GSPT1: variants seen among roughly 807,000 people sequenced by gnomAD.
The protein encoded by GSPT1 is G1 to S phase transition 1.
GSPT1 carries 20 observed loss-of-function variants against 72.5 expected under a neutral mutation model. The ratio of observed to expected loss-of-function variants is 0.28; its 90% CI spans 0.19 to 0.40. The LOEUF is 0.40. GSPT1 is among the 10% of genes least tolerant of loss of function. The probability of loss-of-function intolerance (pLI) is 1.00; values close to 1 mark genes in which losing one functional copy is unlikely to be tolerated. For synonymous variants in GSPT1, 334 were observed against 293.5 expected (o/e 1.14, Z -1.41); for missense variants, 580 against 811.9 (o/e 0.71, Z 3.47).
chr16:11,885,022 C>T (rs112944958), intron 10 of GSPT1, among the ~76,000 whole-genome samples, 159 bp downstream of exon 10: 1,706 of 151,796 alleles, frequency 0.011, 30 homozygotes, highest in African/African-American at 0.039. Context: ...GAGCTGAGAT[C>T]GCGCCACTGC....
At position 11,876,068 on chromosome 16, in the gene GSPT1, C is replaced by G; in HGVS notation, c.1692+18G>C. 2 of 1,536,416 alleles carry G rather than the reference C, an allele frequency of 1.3e-6. No individual in the cohort carries two copies. The highest frequency in any genetic ancestry group is 1.8e-6 in the Non-Finnish European group (2 of 1,110,152). On this transcript the variant is annotated intron_variant, in intron 13 of 14. Transcript: ENST00000434724. ...AAACAGTATTAAAACAGAAATAAAC[C>G]AATTATCTTAAACTCACTGTTATTT...
At position 11,887,651 on chromosome 16, in the gene GSPT1, G is replaced by C; in HGVS notation, c.876C>G (p.Phe292Leu). 2 of 1,613,528 alleles carry C rather than the reference G, an allele frequency of 1.2e-6. No individual in the cohort carries two copies. Among genetic ancestry groups the C allele is most frequent in the Non-Finnish European group, 1.7e-6 (2 of 1,179,512 alleles). ...RAYFETEKKH[F>L]TILDAPGHKS... ...TGTGGCCAGGGGCATCTAGAATTGT[G>C]AAATGCTTCTTTTCGGTTTCAAAAT... is the stretch of plus-strand genomic sequence containing the variant. Residue 292 changes from phenylalanine to leucine, a missense_variant, in exon 7 of 15, where the codon TTC becomes TTG. This residue lies in a region of GSPT1 where 51 missense variants were observed against 118.2 expected (regional missense o/e 0.43). Transcript: ENST00000434724.
intron 1 of GSPT1, among the ~76,000 whole-genome samples, chr16:11,902,209 T>C (rs913012603): frequency 2.6e-5 from 4 of 151,090 alleles, no homozygotes; most frequent in Non-Finnish European, 3.0e-5. Context: ...GGTGAAACCC[T>C]GTCTCTACTA....
In GSPT1 at chr16:11,879,599, G is replaced by T. The variant is rs142637892; in HGVS notation, c.1429-2019C>A. Among the ~76,000 whole-genome samples the T allele has an allele frequency of 5.6e-3, 850 of 151,918 alleles. 11 individuals are homozygous for T. Among genetic ancestry groups the T allele is most frequent in the African/African-American group, 0.019 (806 of 41,468 alleles). ...AATACAAAAATGAGCTGGGCATGGT[G>T]GCACGTTCCTGTAATCCCAGCTACT... On this transcript the variant is annotated intron_variant, in intron 11 of 14. Transcript: ENST00000434724.
chr16:11,894,374 T>C (rs1423569850), intron 5 of GSPT1, among the ~76,000 whole-genome samples: 1 of 151,948 alleles, frequency 6.6e-6, no homozygotes, highest in Non-Finnish European at 1.5e-5. Flanking sequence ...GAAATTTCTA[T>C]AATACGATCA....
At chr16:11,884,809 G>A (rs186718336) in intron 10 of GSPT1, among the ~76,000 whole-genome samples, 1 of 149,394 alleles carries the variant, frequency 6.7e-6, no homozygotes, top group African/African-American at 2.5e-5. Context: ...GCTCACGCCT[G>A]TAATCCCAGC....
chr16:11,879,316 C>A (rs1175686046), intron 11 of GSPT1, among the ~76,000 whole-genome samples: 1 of 150,722 alleles, frequency 6.6e-6, no homozygotes, highest in South Asian at 2.1e-4. Context: ...ACTGCTTGAA[C>A]CCTGGAGGTG....
At chr16:11,914,968 CT>C in intron 1 of GSPT1, 2 of 1,269,474 alleles carry the variant, frequency 1.6e-6, no homozygotes, top group Non-Finnish European at 2.1e-6. Context: ...TCCCCAACTC[CT>C]GGGATCTCTA....
At position 11,871,705 on chromosome 16, in the gene GSPT1, G is replaced by A. The variant is rs1348615552; in HGVS notation, c.*1414C>T. On this transcript the variant is annotated 3_prime_UTR_variant, in exon 15 of 15. Coordinates refer to ENST00000434724, the MANE Select transcript of GSPT1 (RefSeq NM_002094.4). ...AAATATACAAAGTATCTTATTTAGAGAGAAATCACAATCTAAAAGAGGCTA... is the reference window on the plus strand; with the variant it reads ...AAATATACAAAGTATCTTATTTAGAAAGAAATCACAATCTAAAAGAGGCTA... 1 of 152,154 alleles carries A rather than the reference G, an allele frequency of 6.6e-6. No individual in the cohort carries two copies. Among genetic ancestry groups the A allele is most frequent in the Non-Finnish European group, 1.5e-5 (1 of 68,016 alleles). 9.4% of individuals were successfully genotyped at this position (152,154 alleles called of 1,614,324 possible).
At chr16:11,897,337 A>G (rs1010851502) in intron 3 of GSPT1, among the ~76,000 whole-genome samples, 1 of 152,182 alleles carries the variant, frequency 6.6e-6, no homozygotes, top group African/African-American at 2.4e-5. Context: ...CTGTAATCCC[A>G]GCACTTTCGG....
intron 1 of GSPT1, among the ~76,000 whole-genome samples, chr16:11,906,252 A>C (rs1173700795): frequency 6.6e-6 from 1 of 152,016 alleles, no homozygotes; most frequent in Non-Finnish European, 1.5e-5. Context: ...CTGTACATTC[A>C]TTGCATTTCC....
In GSPT1 at chr16:11,911,549, CTA is replaced by C. The variant is rs1439180754; in HGVS notation, c.352+3818_352+3819del. ...TACAGGTTTGTGCCACCACACCCAG[CTA>C]TTTTTTTTTTTTTTTTTTTTTGAGA... On this transcript the variant is annotated intron_variant, in intron 1 of 14. Transcript: ENST00000434724. Among the ~76,000 whole-genome samples the C allele has an allele frequency of 2.0e-4, 20 of 102,426 alleles. 1 individual carries two copies. The East Asian group carries it at 2.1e-3, about 11-fold the overall frequency. The allele number at this position is 102,426 out of a possible 152,430, so 67.2% of individuals were successfully genotyped here.
At chr16:11,900,181 A>G (rs893080547) in intron 1 of GSPT1, among the ~76,000 whole-genome samples, 1 of 151,974 alleles carries the variant, frequency 6.6e-6, no homozygotes, top group Non-Finnish European at 1.5e-5. Context: ...TGAAAATACA[A>G]AACAATTAGC....
chr16:11,916,248 C>T (rs1036970157), upstream of GSPT1, among the ~76,000 whole-genome samples: 2 of 152,180 alleles, frequency 1.3e-5, no homozygotes, highest in East Asian at 1.9e-4. Context: ...GGTCTGGTGG[C>T]CGCTCGGCGG....
At chr16:11,888,463 CAA>C (rs1342911354) in intron 6 of GSPT1, among the ~76,000 whole-genome samples, 31 of 73,532 alleles carry the variant, frequency 4.2e-4, no homozygotes, top group Non-Finnish European at 5.2e-4. Context: ...CTCTGTCTCT[CAA>C]AAAAAAAAAA....
intron 4 of GSPT1, chr16:11,895,229 G>C: frequency 3.1e-6 from 1 of 318,678 alleles, no homozygotes; most frequent in South Asian, 4.2e-5. Flanking sequence ...TCAGGAGTTC[G>C]AGACCAGCCT....
At chr16:11,883,459 C>CTAAAAAAAAAAAAAAAAAAA (rs1555504034) in intron 10 of GSPT1, among the ~76,000 whole-genome samples, 1 of 66,466 alleles carries the variant, frequency 1.5e-5, no homozygotes, top group African/African-American at 5.6e-5. Context: ...ACTAAAAATA[C>CTAAAAAAAAAAAAAAAAAAA]AAAAAAAAAA....
intron 1 of GSPT1, 92 bp downstream of exon 1, chr16:11,915,277 G>A: frequency 1.6e-6 from 2 of 1,217,216 alleles, no homozygotes; most frequent in Non-Finnish European, 2.0e-6. Context: ...CGTGCCGACC[G>A]GGCCCCAGGG....
chr16:11,911,779 T>C (rs1455741877), intron 1 of GSPT1, among the ~76,000 whole-genome samples: 1 of 149,408 alleles, frequency 6.7e-6, no homozygotes, highest in Admixed American at 6.7e-5. Context: ...CTCGAACTCC[T>C]GACCTCAGGT....
Sources: gnomAD v4.1 joint callset for allele counts (sites outside exome capture counted in the v4.1 genomes callset) on GRCh38, gnomAD v4.1.1 for gene constraint, gnomAD v4.1.1 regional missense constraint, MANE v1.5 for transcripts, NCBI Gene and HGNC (gene_info 2026-07-23, HGNC 2026-07-21) for gene names.